PCDHA6: variants seen among roughly 807,000 people sequenced by gnomAD.
The protein encoded by PCDHA6 is protocadherin alpha 6, also known as protocadherin alpha-6.
In PCDHA6, 55 loss-of-function variants were observed where a neutral mutation model predicts 60.3. That is an observed-to-expected ratio of 0.91 (90% CI 0.73 to 1.14). PCDHA6 has a LOEUF of 1.14. Among genes scored for constraint, PCDHA6 ranks in the 50% most tolerant of loss-of-function variants. The pLI is 0.00. For missense variants in PCDHA6, 1,327 were observed against 1,256.5 expected, an observed-to-expected ratio of 1.06 and a Z score of -0.85; for synonymous variants, 652 against 557.9, an observed-to-expected ratio of 1.17 and a Z score of -2.38.
chr5:140,961,385 T>G (rs1480607533), intron 1 of PCDHA6, among the ~76,000 whole-genome samples: 3 of 152,204 alleles, frequency 2.0e-5, no homozygotes, highest in Non-Finnish European at 4.4e-5. Flanking sequence ...GTTTGAACTA[T>G]TCCATTAGTA....
chr5:140,870,089 T>C (rs782364525), intron 1 of PCDHA6: 4 of 1,613,796 alleles, frequency 2.5e-6, no homozygotes, highest in Non-Finnish European at 3.4e-6. Flanking sequence ...ACTCCCCCAA[T>C]GGCAGGTCAC....
intron 1 of PCDHA6, chr5:140,877,919 T>A: frequency 7.0e-7 from 1 of 1,423,998 alleles, no homozygotes; most frequent in South Asian, 1.6e-5. Flanking sequence ...CTCTCATTTT[T>A]CTTTATGATT....
rs181858092 is a variant in PCDHA6 at position 140,895,275 on chromosome 5, A to G, written c.2394+64790A>G. The stretch of plus-strand genomic sequence containing the variant: ...TTTCTTTTTTTTCTTACTCAGGGAT[A>G]ATTGAATTAGGACCTTCGATTTCCC... On this transcript the variant is annotated intron_variant, in intron 1 of 3. Transcript: ENST00000529310. 2.0e-5 allele frequency among the ~76,000 whole-genome samples: 3 copies of G among 152,146 alleles called. No individual in the cohort carries two copies. The East Asian group carries it at 5.8e-4, about 29-fold the overall frequency.
intron 1 of PCDHA6, chr5:140,834,376 A>G (rs2150216105): frequency 6.4e-7 from 1 of 1,561,296 alleles, no homozygotes; most frequent in East Asian, 2.3e-5. Flanking sequence ...ACAAGCCAAT[A>G]ATTTGAAATG....
At chr5:140,868,974 C>G in intron 1 of PCDHA6, 1 of 1,471,886 alleles carries the variant, frequency 6.8e-7, no homozygotes, top group Non-Finnish European at 9.1e-7. Flanking sequence ...GGAACTCCAT[C>G]ATACCGGATG....
intron 1 of PCDHA6, chr5:140,930,358 T>G (rs1253370170): frequency 6.6e-6 from 1 of 152,216 alleles, no homozygotes; most frequent in Non-Finnish European, 1.5e-5. Context: ...AATATTTCAA[T>G]TTATCTGTTA....
At chr5:140,891,972 T>C (rs1273277446) in intron 1 of PCDHA6, among the ~76,000 whole-genome samples, 1 of 152,222 alleles carries the variant, frequency 6.6e-6, no homozygotes, top group African/African-American at 2.4e-5. Flanking sequence ...TAAATTTCCG[T>C]TCTCATAAAT....
intron 1 of PCDHA6, among the ~76,000 whole-genome samples, chr5:140,907,434 A>G (rs782559641): frequency 2.5e-4 from 38 of 152,256 alleles, no homozygotes; most frequent in Non-Finnish European, 4.4e-4. Context: ...GCATTCTGTG[A>G]GTCCACAGAT....
At chr5:140,941,210 TCTTC>T (rs1480454721) in intron 1 of PCDHA6, among the ~76,000 whole-genome samples, 2,917 of 100,514 alleles carry the variant, frequency 0.029, 68 homozygotes, top group South Asian at 0.045. Flanking sequence ...TTCCTTTCTT[TCTTC>T]CTTTCTTTCT....
chr5:140,870,130 A>T (rs781855370), intron 1 of PCDHA6: 2 of 1,613,866 alleles, frequency 1.2e-6, no homozygotes, highest in East Asian at 4.5e-5. Context: ...CTTGGACACC[A>T]ACGATAACTC....
chr5:140,944,984 T>A (rs972607288), intron 1 of PCDHA6, among the ~76,000 whole-genome samples: 6 of 152,184 alleles, frequency 3.9e-5, no homozygotes, highest in Non-Finnish European at 8.8e-5. Context: ...GTGGGTCTAC[T>A]TCTGTAACGG....
intron 1 of PCDHA6, chr5:140,847,315 A>C (rs2150398811): frequency 1.3e-5 from 2 of 149,940 alleles, no homozygotes; most frequent in Non-Finnish European, 3.0e-5. Context: ...AATCAAGGAC[A>C]GAAGCAATTG....
chr5:140,871,056 G>A (rs1554165039), intron 1 of PCDHA6: 1 of 1,613,234 alleles, frequency 6.2e-7, no homozygotes, highest in African/African-American at 1.3e-5. Context: ...TACTGGTGAA[G>A]GATCACGGTG....
chr5:140,939,005 G>A (rs2092293653), intron 1 of PCDHA6, among the ~76,000 whole-genome samples: 1 of 152,200 alleles, frequency 6.6e-6, no homozygotes, highest in Non-Finnish European at 1.5e-5. Flanking sequence ...AAGTTAAGAA[G>A]TGTTACTTTT....
rs1554169144 is a variant in PCDHA6, at chr5:140,876,947, A to T, written c.2394+46462A>T. On this transcript the variant is annotated intron_variant, in intron 1 of 3. Transcript: ENST00000529310. ...GCGCAGAAGAACGCGCTGGTGTCCT[A>T]CTCGCTGGTGGAGCGGCGGGTGGGC... 1 of 1,613,496 alleles carries T rather than the reference A, an allele frequency of 6.2e-7. No homozygotes were observed. The highest frequency in any genetic ancestry group is 8.5e-7 in the Non-Finnish European group (1 of 1,179,858).
rs114370861 is a variant in PCDHA6 at position 140,845,840 on chromosome 5, G to A, written c.2394+15355G>A. 5.2e-3 allele frequency among the ~76,000 whole-genome samples: 775 copies of A among 149,794 alleles called. 45 individuals are homozygous for A. Among genetic ancestry groups the A allele is most frequent in the African/African-American group, 0.018 (745 of 40,934 alleles). On this transcript the variant is annotated intron_variant, in intron 1 of 3. Transcript: ENST00000529310. The stretch of plus-strand genomic sequence containing the variant: ...AAAATTTAGTTATTACCATTCTTAA[G>A]AGAAAAGAAGTTAGTGATTGCAGAA...
intron 1 of PCDHA6, among the ~76,000 whole-genome samples, chr5:140,891,388 C>A (rs2063075244): frequency 6.6e-6 from 1 of 151,946 alleles, no homozygotes; most frequent in South Asian, 2.1e-4. Flanking sequence ...TATTTGCAAT[C>A]TTTTATCCCT....
At chr5:140,942,668 A>G (rs1047486718) in intron 1 of PCDHA6, among the ~76,000 whole-genome samples, 7 of 152,336 alleles carry the variant, frequency 4.6e-5, no homozygotes, top group Admixed American at 2.0e-4. Flanking sequence ...CAATAAGCAC[A>G]AAAGTTTTAG....
At chr5:140,981,692 T>C (rs1168412872) in intron 2 of PCDHA6, among the ~76,000 whole-genome samples, 1 of 150,826 alleles carries the variant, frequency 6.6e-6, no homozygotes, top group Non-Finnish European at 1.5e-5. Flanking sequence ...CTTCCATCAT[T>C]CATTCATTCA....
Sources: allele counts gnomAD v4.1 joint callset (sites outside exome capture counted in the v4.1 genomes callset), GRCh38; gene constraint gnomAD v4.1.1; transcripts MANE v1.5; gene names NCBI Gene and HGNC (gene_info 2026-07-23, HGNC 2026-07-21).